Variants in GALNTL6 observed in about 807,000 individuals in gnomAD.
GALNTL6 encodes polypeptide N-acetylgalactosaminyltransferase-like 6.
Under a neutral mutation model 73.7 loss-of-function variants are expected in GALNTL6, and 46 were observed. The ratio of observed to expected loss-of-function variants is 0.62; its 90% CI spans 0.49 to 0.80. GALNTL6 has a LOEUF of 0.80. GALNTL6 is among the 30% of genes least tolerant of loss of function. GALNTL6 has a pLI of 0.00. For synonymous variants in GALNTL6, 259 were observed against 263.7 expected (o/e 0.98, Z 0.17); for missense variants, 604 against 755.0 (o/e 0.80, Z 2.34).
intron 5 of GALNTL6, among the ~76,000 whole-genome samples, chr4:172,477,121 T>A (rs559573716): frequency 1.1e-4 from 16 of 151,468 alleles, no homozygotes; most frequent in Admixed American, 2.0e-4. Flanking sequence ...GAGATGGGGT[T>A]TCACTGTGTT....
At chr4:171,936,940 A>T (rs936153893) in intron 2 of GALNTL6, among the ~76,000 whole-genome samples, 5 of 152,144 alleles carry the variant, frequency 3.3e-5, no homozygotes. Flanking sequence ...GCACATCTTT[A>T]TGTCCAATCT....
intron 7 of GALNTL6, among the ~76,000 whole-genome samples, chr4:172,821,756 A>G (rs1039743926): frequency 6.6e-6 from 1 of 152,382 alleles, no homozygotes; most frequent in East Asian, 1.9e-4. Flanking sequence ...TCAAGTGTTT[A>G]AAAAACTAAT....
chr4:172,166,663 A>G (rs1303772158), intron 2 of GALNTL6, among the ~76,000 whole-genome samples: 1 of 152,186 alleles, frequency 6.6e-6, no homozygotes, highest in African/African-American at 2.4e-5. Context: ...ATTGTGTCCT[A>G]CAAAGCAAGT....
chr4:172,746,148 C>T (rs1317844214), intron 5 of GALNTL6, among the ~76,000 whole-genome samples: 1 of 151,846 alleles, frequency 6.6e-6, no homozygotes, highest in East Asian at 1.9e-4. Flanking sequence ...TTATTATAGG[C>T]AATTATTATT....
intron 5 of GALNTL6, among the ~76,000 whole-genome samples, chr4:172,797,041 T>C (rs1740310984): frequency 1.3e-5 from 2 of 152,164 alleles, no homozygotes; most frequent in Non-Finnish European, 2.9e-5. Flanking sequence ...ACCCTATCAC[T>C]CAACCCATGT....
At chr4:171,912,110 T>C (rs1235445779) in intron 2 of GALNTL6, among the ~76,000 whole-genome samples, 1 of 152,128 alleles carries the variant, frequency 6.6e-6, no homozygotes, top group East Asian at 1.9e-4. Context: ...GCTCATCATA[T>C]AATGTTTATT....
At chr4:172,130,474 CA>C (rs1178125047) in intron 2 of GALNTL6, among the ~76,000 whole-genome samples, 2 of 151,502 alleles carry the variant, frequency 1.3e-5, no homozygotes, top group East Asian at 1.9e-4. Context: ...GCTAAGTATA[CA>C]AAAAAATTAT....
intron 8 of GALNTL6, among the ~76,000 whole-genome samples, chr4:172,888,078 G>A (rs931810873): frequency 5.3e-5 from 8 of 151,998 alleles, no homozygotes; most frequent in African/African-American, 1.2e-4. Flanking sequence ...TTATGGATTC[G>A]AGATATTAGA....
At chr4:172,327,568 G>C (rs1740984395) in intron 4 of GALNTL6, among the ~76,000 whole-genome samples, 1 of 152,106 alleles carries the variant, frequency 6.6e-6, no homozygotes, top group Non-Finnish European at 1.5e-5. Context: ...TTATGAGTCT[G>C]GGTGCTCCTG....
chr4:172,015,987 T>C (rs1191522483), intron 2 of GALNTL6, among the ~76,000 whole-genome samples: 2 of 137,700 alleles, frequency 1.5e-5, no homozygotes, highest in Non-Finnish European at 3.1e-5. Context: ...GTCTCACAGC[T>C]CTTAAGATTC....
At chr4:172,779,599 C>T (rs910729183) in intron 5 of GALNTL6, among the ~76,000 whole-genome samples, 1 of 152,136 alleles carries the variant, frequency 6.6e-6, no homozygotes. Context: ...AAGGGGAAAA[C>T]CCACAGTTCT....
Position 172,248,561 on chromosome 4 carries a change from A to C in GALNTL6, c.247+18797A>C, listed in dbSNP as rs542458855. The stretch of plus-strand genomic sequence containing the variant: ...CTGGAAAGCAGCAGAACAGATTGCT[A>C]TTAGTCAATCCCATTTGGTTCTAAT... On this transcript the variant is annotated intron_variant, in intron 3 of 12. Transcript: ENST00000506823. Among the ~76,000 whole-genome samples, 126 of 152,262 alleles carry C rather than the reference A, an allele frequency of 8.3e-4. 1 individual carries two copies. In the South Asian group the frequency reaches 0.025, roughly 31 times the overall value.
chr4:172,330,313 C>G (rs962792970), intron 4 of GALNTL6, among the ~76,000 whole-genome samples: 3 of 152,142 alleles, frequency 2.0e-5, no homozygotes, highest in Admixed American at 6.5e-5. Flanking sequence ...ATGAGGGGAT[C>G]TCCTGACCCA....
intron 4 of GALNTL6, among the ~76,000 whole-genome samples, chr4:172,327,606 T>C (rs1406122956): frequency 6.6e-6 from 1 of 152,158 alleles, no homozygotes; most frequent in Non-Finnish European, 1.5e-5. Flanking sequence ...TTTGGGATAC[T>C]TGGTTGTTGT....
intron 3 of GALNTL6, among the ~76,000 whole-genome samples, chr4:172,310,395 C>G (rs1986138): frequency 0.39 from 58,946 of 151,706 alleles, 12,233 homozygotes; most frequent in African/African-American, 0.53. Flanking sequence ...CTCAGCCTCC[C>G]CAGTAGCTGA....
chr4:172,907,030 G>A (rs1193779854), intron 8 of GALNTL6, among the ~76,000 whole-genome samples: 2 of 151,908 alleles, frequency 1.3e-5, no homozygotes, highest in Non-Finnish European at 2.9e-5. Context: ...ATGATACAAG[G>A]GCATGTATAG....
chr4:172,946,022 G>A (rs1265997009), intron 9 of GALNTL6, among the ~76,000 whole-genome samples: 3 of 152,088 alleles, frequency 2.0e-5, no homozygotes, highest in Non-Finnish European at 4.4e-5. Context: ...AAAATCATGG[G>A]ATATGGATAC....
intron 5 of GALNTL6, among the ~76,000 whole-genome samples, chr4:172,719,026 T>C (rs541386073): frequency 1.3e-5 from 2 of 152,182 alleles, no homozygotes; most frequent in Non-Finnish European, 2.9e-5. Flanking sequence ...AACATCACAA[T>C]GGGCAAATGG....
intron 4 of GALNTL6, among the ~76,000 whole-genome samples, chr4:172,341,773 C>T (rs59122496): frequency 0.04 from 6,082 of 152,220 alleles, 337 homozygotes; most frequent in African/African-American, 0.12. Flanking sequence ...CCCAACCATA[C>T]GGAACAGTAA....
Sources: allele counts gnomAD v4.1 joint callset (sites outside exome capture counted in the v4.1 genomes callset), GRCh38; gene constraint gnomAD v4.1.1; transcripts MANE v1.5; gene names NCBI Gene and HGNC (gene_info 2026-07-23, HGNC 2026-07-21).